The following AUTS2 variants were observed in gnomAD, a reference collection of about 807,000 sequenced individuals.
The protein encoded by AUTS2 is activator of transcription and developmental regulator AUTS2.
AUTS2 carries 17 observed loss-of-function variants against 112.4 expected under a neutral mutation model. That is an observed-to-expected ratio of 0.15 (90% confidence interval 0.10 to 0.23). The LOEUF (loss-of-function observed/expected upper bound fraction) is 0.23. Ranked by LOEUF, AUTS2 falls within the 10% of genes least tolerant of loss-of-function variation. The probability of loss-of-function intolerance (pLI) is 1.00; values close to 1 mark genes in which losing one functional copy is unlikely to be tolerated. For synonymous variants in AUTS2, 751 were observed against 702.7 expected (o/e 1.07, Z -1.09); for missense variants, 1,510 against 1,701.6 (o/e 0.89, Z 1.98).
chr7:70,110,835 G>A (rs1584737829), intron 2 of AUTS2, among the ~76,000 whole-genome samples: 1 of 150,078 alleles, frequency 6.7e-6, no homozygotes, highest in East Asian at 2.0e-4. Context: ...TGAATTTCAA[G>A]GGAATACCTA....
At position 70,095,050 on chromosome 7, in the gene AUTS2, A is replaced by G. The variant is rs138286690; in HGVS notation, c.523-23082A>G. On this transcript the variant is annotated intron_variant, in intron 2 of 18. Coordinates refer to ENST00000342771, the MANE Select transcript of AUTS2 (RefSeq NM_015570.4). Reference sequence around the variant, plus strand: ...CTGCAAAGAGGATATTCTGTTCTTAAAGAAAGGAAAAGATTAACCTGAAAC... The same window carrying G: ...CTGCAAAGAGGATATTCTGTTCTTAGAGAAAGGAAAAGATTAACCTGAAAC... Among the ~76,000 whole-genome samples, 11 of 152,316 alleles carry G rather than the reference A, an allele frequency of 7.2e-5. No homozygotes were observed. In the East Asian group the frequency reaches 2.1e-3, roughly 29 times the overall value.
chr7:69,706,791 G>T (rs898103512), intron 1 of AUTS2, among the ~76,000 whole-genome samples: 3 of 152,174 alleles, frequency 2.0e-5, no homozygotes, highest in African/African-American at 7.2e-5. Flanking sequence ...GCTGAACTGA[G>T]CCGCTGTCCT....
intron 2 of AUTS2, among the ~76,000 whole-genome samples, chr7:70,037,291 A>C (rs560749741): frequency 6.6e-6 from 1 of 152,348 alleles, no homozygotes; most frequent in South Asian, 2.1e-4. Context: ...GCAGATATAT[A>C]GGATGAAGAA....
chr7:69,611,945 A>AAAAAAT (rs1473160866), intron 1 of AUTS2, among the ~76,000 whole-genome samples: 1 of 151,146 alleles, frequency 6.6e-6, no homozygotes, highest in Non-Finnish European at 1.5e-5. Flanking sequence ...TCAAAAAAAA[A>AAAAAAT]AAAAAAAAAA....
chr7:69,826,858 C>T (rs1373727190), intron 1 of AUTS2, among the ~76,000 whole-genome samples: 1 of 150,748 alleles, frequency 6.6e-6, no homozygotes, highest in Non-Finnish European at 1.5e-5. Context: ...TTTCCTTCCT[C>T]CAACAAATTA....
chr7:69,886,337 T>G (rs1446502239), intron 1 of AUTS2, among the ~76,000 whole-genome samples: 1 of 152,226 alleles, frequency 6.6e-6, no homozygotes, highest in Non-Finnish European at 1.5e-5. Flanking sequence ...TGGAAGAAAG[T>G]TACAGAATTA....
At chr7:70,324,248 T>G (rs913914476) in intron 4 of AUTS2, among the ~76,000 whole-genome samples, 1 of 152,210 alleles carries the variant, frequency 6.6e-6, no homozygotes, top group Admixed American at 6.5e-5. Context: ...GTGTTGGCTC[T>G]CAGCAGATGA....
intron 1 of AUTS2, among the ~76,000 whole-genome samples, chr7:69,846,613 G>A (rs892334886): frequency 2.0e-5 from 3 of 152,198 alleles, no homozygotes; most frequent in Admixed American, 2.0e-4. Context: ...TCCCTCTGTC[G>A]CCCAGGCTGG....
intron 1 of AUTS2, among the ~76,000 whole-genome samples, chr7:69,610,662 T>C (rs1049225793): frequency 6.6e-6 from 1 of 152,190 alleles, no homozygotes; most frequent in African/African-American, 2.4e-5. Context: ...CCAGGAATAA[T>C]TGGTGGTGAT....
intron 2 of AUTS2, among the ~76,000 whole-genome samples, chr7:70,029,078 G>A (rs2129556255): frequency 6.6e-6 from 1 of 152,224 alleles, no homozygotes; most frequent in South Asian, 2.1e-4. Flanking sequence ...TGACGGGCTG[G>A]AATCTCAGCC....
chr7:69,699,841 C>T (rs1045109404), intron 1 of AUTS2, among the ~76,000 whole-genome samples: 8 of 152,040 alleles, frequency 5.3e-5, no homozygotes, highest in Middle Eastern at 3.4e-3. Flanking sequence ...GACGGGGTTT[C>T]GCCATGTTGT....
chr7:70,215,109 A>AC (rs1324807017), intron 4 of AUTS2, among the ~76,000 whole-genome samples: 3 of 152,058 alleles, frequency 2.0e-5, no homozygotes, highest in Non-Finnish European at 2.9e-5. Context: ...ACATACTGAG[A>AC]CCCCGTCTCT....
chr7:70,545,577 A>G (rs180689699), intron 5 of AUTS2, among the ~76,000 whole-genome samples: 151 of 152,306 alleles, frequency 9.9e-4, no homozygotes, highest in African/African-American at 3.1e-3. Context: ...TTCCTAGAAA[A>G]TGGTCCGTTC....
intron 5 of AUTS2, among the ~76,000 whole-genome samples, chr7:70,622,719 G>T (rs1189701287): frequency 1.3e-5 from 2 of 152,174 alleles, no homozygotes; most frequent in Admixed American, 6.5e-5. Flanking sequence ...TATGTAATGG[G>T]TGTGCTCTTT....
chr7:70,791,116 C>G lies in AUTS2; in HGVS notation c.*120C>G. On this transcript the variant is annotated 3_prime_UTR_variant, in exon 19 of 19. Coordinates refer to ENST00000342771, the MANE Select transcript of AUTS2 (RefSeq NM_015570.4). ...GGGGGGGAAAGCCCCACCCCTTCCC[C>G]TTGTAAAAAATGTATAGACTCAGTG... 9.4e-7 allele frequency: 1 copy of G among 1,061,904 alleles called. No homozygotes were observed. The highest frequency in any genetic ancestry group is 1.2e-6 in the Non-Finnish European group (1 of 811,752). The allele number at this position is 1,061,904 out of a possible 1,614,324, so 65.8% of individuals were successfully genotyped here.
chr7:69,625,238 G>A (rs1043762026), intron 1 of AUTS2, among the ~76,000 whole-genome samples: 2 of 152,186 alleles, frequency 1.3e-5, no homozygotes, highest in African/African-American at 2.4e-5. Context: ...TAGGAAAAGG[G>A]TGCTTCTGGC....
intron 2 of AUTS2, among the ~76,000 whole-genome samples, chr7:69,920,605 A>G (rs959814668): frequency 1.7e-4 from 26 of 152,212 alleles, no homozygotes; most frequent in African/African-American, 6.0e-4. Flanking sequence ...GTTTTTCAGT[A>G]AGTAAATTGT....
intron 2 of AUTS2, among the ~76,000 whole-genome samples, chr7:69,975,040 T>G (rs549000333): frequency 1.4e-4 from 22 of 152,148 alleles, no homozygotes; most frequent in African/African-American, 4.6e-4. Flanking sequence ...TAACTATTTA[T>G]TTATTTATTT....
chr7:69,936,410 C>T (rs1176886085), intron 2 of AUTS2, among the ~76,000 whole-genome samples: 2 of 152,000 alleles, frequency 1.3e-5, no homozygotes, highest in African/African-American at 4.8e-5. Flanking sequence ...AGTGCAGTGG[C>T]GTGATCTCGG....
Sources: allele counts gnomAD v4.1 joint callset (sites outside exome capture counted in the v4.1 genomes callset), GRCh38; gene constraint gnomAD v4.1.1; transcripts MANE v1.5; gene names NCBI Gene and HGNC (gene_info 2026-07-23, HGNC 2026-07-21).